UBE2E2: variants seen among roughly 807,000 people sequenced by gnomAD.
UBE2E2 encodes the protein ubiquitin conjugating enzyme E2 E2.
Under a neutral mutation model 24.7 loss-of-function variants are expected in UBE2E2, and 6 were observed. The ratio of observed to expected loss-of-function variants is 0.24; its 90% CI spans 0.13 to 0.48. The LOEUF is 0.48. Ranked by LOEUF, UBE2E2 falls within the 20% of genes least tolerant of loss-of-function variation. The pLI is 0.99. For synonymous variants in UBE2E2, 104 were observed against 83.6 expected (o/e 1.24, Z -1.33); for missense variants, 169 against 245.0 (o/e 0.69, Z 2.07).
chr3:23,268,542 G>A (rs963490791), intron 3 of UBE2E2, among the ~76,000 whole-genome samples: 5 of 147,072 alleles, frequency 3.4e-5, no homozygotes, highest in African/African-American at 7.6e-5. Flanking sequence ...ACTGCTCAAT[G>A]AAATAAAAGA....
At chr3:23,438,366 A>G (rs1698229017) in intron 3 of UBE2E2, among the ~76,000 whole-genome samples, 1 of 152,226 alleles carries the variant, frequency 6.6e-6, no homozygotes. Context: ...GCTTTATTCC[A>G]TAGGAGCCTG....
intron 3 of UBE2E2, among the ~76,000 whole-genome samples, chr3:23,325,477 A>G (rs534815961): frequency 2.6e-5 from 4 of 152,212 alleles, no homozygotes; most frequent in Non-Finnish European, 5.9e-5. Flanking sequence ...GGATTTGAAC[A>G]CTTGTAGGTC....
In UBE2E2 at chr3:23,291,683, C is replaced by CTTTT. The variant is rs11308326; in HGVS notation, c.227+74389_227+74392dup. 9.3e-4 allele frequency among the ~76,000 whole-genome samples: 88 copies of CTTTT among 95,024 alleles called. 3 individuals carry two copies. The highest frequency in any genetic ancestry group is 9.7e-4 in the Non-Finnish European group (48 of 49,510). The allele number at this position is 95,024 out of a possible 152,430, so 62.3% of individuals were successfully genotyped here. A position where few individuals can be genotyped will look rare whatever the true frequency, so the allele number is the denominator to read the frequency against. ...TTATTAATTCATTCTATTTAAGGGG[C>CTTTT]TTTTTTTTTTTTTTTTTTTTTGACA... On this transcript the variant is annotated intron_variant, in intron 3 of 5. Coordinates refer to ENST00000396703, the MANE Select transcript of UBE2E2 (RefSeq NM_152653.4).
At chr3:23,470,918 T>C (rs1244496038) in intron 3 of UBE2E2, among the ~76,000 whole-genome samples, 1 of 152,106 alleles carries the variant, frequency 6.6e-6, no homozygotes, top group Non-Finnish European at 1.5e-5. Flanking sequence ...TTAGGTATGG[T>C]TTTTAAAGGA....
chr3:23,422,716 C>T (rs1362639037), intron 3 of UBE2E2, among the ~76,000 whole-genome samples: 3 of 152,110 alleles, frequency 2.0e-5, no homozygotes, highest in African/African-American at 4.8e-5. Flanking sequence ...GATTTTCACT[C>T]AAGGAAACAC....
chr3:23,411,625 C>G (rs1697498876), intron 3 of UBE2E2, among the ~76,000 whole-genome samples: 1 of 152,048 alleles, frequency 6.6e-6, no homozygotes, highest in Non-Finnish European at 1.5e-5. Flanking sequence ...TTAAAATACT[C>G]CAATAATTTC....
At chr3:23,305,332 G>T (rs1395799513) in intron 3 of UBE2E2, among the ~76,000 whole-genome samples, 5 of 152,220 alleles carry the variant, frequency 3.3e-5, no homozygotes, top group African/African-American at 1.2e-4. Context: ...TAGGTATGCA[G>T]TAGAAATGCT....
At chr3:23,449,245 T>C (rs954684584) in intron 3 of UBE2E2, among the ~76,000 whole-genome samples, 2 of 152,186 alleles carry the variant, frequency 1.3e-5, no homozygotes, top group Non-Finnish European at 2.9e-5. Context: ...GTAAGGGGGA[T>C]TTTTATTGTT....
intron 3 of UBE2E2, among the ~76,000 whole-genome samples, chr3:23,440,456 T>C (rs1229778383): frequency 3.9e-5 from 6 of 152,232 alleles, no homozygotes; most frequent in African/African-American, 1.4e-4. Flanking sequence ...AATACTGACC[T>C]GCATTATCTC....
chr3:23,353,603 G>C (rs539186473), intron 3 of UBE2E2, among the ~76,000 whole-genome samples: 89 of 152,208 alleles, frequency 5.8e-4, no homozygotes, highest in African/African-American at 2.1e-3. Flanking sequence ...CAGACAAACA[G>C]AGAGCCAAAT....
intron 3 of UBE2E2, among the ~76,000 whole-genome samples, chr3:23,454,210 A>C (rs1177602801): frequency 6.6e-6 from 1 of 152,194 alleles, no homozygotes; most frequent in African/African-American, 2.4e-5. Context: ...TACTTTATAA[A>C]CTGATTTTTT....
chr3:23,374,615 C>A (rs567773629), intron 3 of UBE2E2, among the ~76,000 whole-genome samples: 2 of 152,102 alleles, frequency 1.3e-5, no homozygotes, highest in Non-Finnish European at 2.9e-5. Flanking sequence ...TCATGTCTCC[C>A]CTTTCGGGAT....
chr3:23,491,142 A>G (rs1328984902), intron 3 of UBE2E2, among the ~76,000 whole-genome samples: 2 of 152,144 alleles, frequency 1.3e-5, no homozygotes, highest in Non-Finnish European at 2.9e-5. Context: ...ATGTTTTGGT[A>G]GACTTTGGCA....
chr3:23,409,545 A>G, intron 3 of UBE2E2, among the ~76,000 whole-genome samples: 1 of 152,186 alleles, frequency 6.6e-6, no homozygotes, highest in Non-Finnish European at 1.5e-5. Context: ...ATAAAAGGCA[A>G]CTGAGAAAAT....
chr3:23,382,908 A>G (rs183976686), intron 3 of UBE2E2, among the ~76,000 whole-genome samples: 10 of 151,890 alleles, frequency 6.6e-5, no homozygotes, highest in Non-Finnish European at 5.9e-5. Flanking sequence ...TTTTTTTTGT[A>G]CCAAGGAGGT....
chr3:23,374,261 T>C (rs538438987), intron 3 of UBE2E2, among the ~76,000 whole-genome samples: 1 of 152,302 alleles, frequency 6.6e-6, no homozygotes, highest in African/African-American at 2.4e-5. Context: ...TCATGTTAAA[T>C]GTAGAAAACA....
intron 2 of UBE2E2, among the ~76,000 whole-genome samples, chr3:23,216,296 A>C (rs1001675248): frequency 6.6e-6 from 1 of 152,080 alleles, no homozygotes; most frequent in African/African-American, 2.4e-5. Context: ...TTATTCTAGT[A>C]GTTTGTTGTC....
At chr3:23,226,040 T>C (rs763174525) in intron 3 of UBE2E2, among the ~76,000 whole-genome samples, 9 of 152,112 alleles carry the variant, frequency 5.9e-5, no homozygotes, top group Non-Finnish European at 1.0e-4. Flanking sequence ...CCACCATGCA[T>C]GGCTAATGTT....
intron 3 of UBE2E2, among the ~76,000 whole-genome samples, chr3:23,439,742 T>A (rs1354116778): frequency 6.6e-6 from 1 of 152,200 alleles, no homozygotes; most frequent in East Asian, 1.9e-4. Context: ...TTAATGTATT[T>A]AAGTAGTTTA....
Sources: gnomAD v4.1 joint callset for allele counts (sites outside exome capture counted in the v4.1 genomes callset) on GRCh38, gnomAD v4.1.1 for gene constraint, MANE v1.5 for transcripts, NCBI Gene and HGNC (gene_info 2026-07-23, HGNC 2026-07-21) for gene names.